TMTC1: variants seen among roughly 807,000 people sequenced by gnomAD.
TMTC1 encodes protein O-mannosyl-transferase TMTC1.
Under a neutral mutation model 104.8 loss-of-function variants are expected in TMTC1, and 73 were observed. The ratio of observed to expected loss-of-function variants is 0.70; its 90% CI spans 0.58 to 0.85. The LOEUF (loss-of-function observed/expected upper bound fraction) is 0.85. Among genes scored for constraint, TMTC1 ranks in the 40% least tolerant of loss-of-function variants. TMTC1 has a pLI of 0.00. For missense variants in TMTC1, 1,035 were observed against 1,096.1 expected (o/e 0.94, Z 0.79); for synonymous variants, 434 against 428.7 (o/e 1.01, Z -0.15).
intron 5 of TMTC1, among the ~76,000 whole-genome samples, chr12:29,699,571 C>T (rs368513869): frequency 1.3e-5 from 2 of 151,572 alleles, no homozygotes; most frequent in Admixed American, 6.6e-5. Flanking sequence ...CAGAAAACTT[C>T]CAGAATTGTA....
intron 2 of TMTC1, 110 bp downstream of exon 2, chr12:29,767,788 C>A (rs148035292): frequency 1.0e-6 from 1 of 998,968 alleles, no homozygotes; most frequent in African/African-American, 1.6e-5. Context: ...ACACACATAT[C>A]TACATATACA....
At chr12:29,743,153 T>A (rs1942869764) in intron 5 of TMTC1, among the ~76,000 whole-genome samples, 1 of 152,202 alleles carries the variant, frequency 6.6e-6, no homozygotes, top group South Asian at 2.1e-4. Context: ...TCTGCCGTGG[T>A]ACACACAAGG....
intron 17 of TMTC1, among the ~76,000 whole-genome samples, chr12:29,510,465 CTA>C (rs1489926974): frequency 6.6e-6 from 1 of 152,090 alleles, no homozygotes; most frequent in African/African-American, 2.4e-5. Context: ...TAAGTTCATT[CTA>C]TGTTTCCCAG....
chr12:29,768,680 G>A (rs1356129769), intron 1 of TMTC1, among the ~76,000 whole-genome samples: 3 of 152,166 alleles, frequency 2.0e-5, no homozygotes, highest in Non-Finnish European at 4.4e-5. Context: ...GAAATGAAAA[G>A]ATGAGCAAAA....
chr12:29,551,607 A>G lies in TMTC1; in HGVS notation c.1676+5250T>C, dbSNP rs2136242710. ...GGAGGTATGACATGGTTCTTCAAGAAGTTCTTTTTATATTCCATTTCAGTA... is the reference window on the plus strand; with the variant it reads ...GGAGGTATGACATGGTTCTTCAAGAGGTTCTTTTTATATTCCATTTCAGTA... On this transcript the variant is annotated intron_variant, in intron 10 of 17. Transcript: ENST00000539277. 1.3e-5 allele frequency among the ~76,000 whole-genome samples: 2 copies of G among 152,288 alleles called. 1 individual carries two copies. Among genetic ancestry groups the G allele is most frequent in the South Asian group, 4.1e-4 (2 of 4,826 alleles).
chr12:29,591,845 G>A lies in TMTC1; in HGVS notation c.1251-8271C>T, dbSNP rs558237737. On this transcript the variant is annotated intron_variant, in intron 7 of 17. Transcript: ENST00000539277. ...TGTTGTTTGGGAACTTGTTAGCAGC[G>A]AATTGTTGTGTAATAGTTAGTACAA... Among the ~76,000 whole-genome samples the A allele has an allele frequency of 3.3e-5, 5 of 152,240 alleles. No individual in the cohort carries two copies. The South Asian group carries it at 1.0e-3, about 32-fold the overall frequency.
At chr12:29,514,666 CTGATCAAAT>C in intron 15 of TMTC1, 62 bp from the exon 16 acceptor site, 1 of 1,537,904 alleles carries the variant, frequency 6.5e-7, no homozygotes, top group Non-Finnish European at 8.8e-7. Context: ...ACTTATTTAA[CTGATCAAAT>C]TTATACTTTT....
At chr12:29,617,835 T>C (rs954972417) in intron 6 of TMTC1, among the ~76,000 whole-genome samples, 4 of 152,186 alleles carry the variant, frequency 2.6e-5, no homozygotes, top group African/African-American at 9.6e-5. Flanking sequence ...GACCAGCACA[T>C]GTAGAACCTG....
At chr12:29,510,945 C>T (rs1943816779) in intron 17 of TMTC1, among the ~76,000 whole-genome samples, 1 of 152,100 alleles carries the variant, frequency 6.6e-6, no homozygotes, top group Non-Finnish European at 1.5e-5. Flanking sequence ...TTGCTCTCTC[C>T]TTGCCACGCT....
intron 4 of TMTC1, among the ~76,000 whole-genome samples, chr12:29,754,426 T>C (rs1415486651): frequency 6.6e-6 from 1 of 152,172 alleles, no homozygotes; most frequent in Non-Finnish European, 1.5e-5. Context: ...AAAATAGCTC[T>C]GGACTGGACC....
chr12:29,638,086 C>T (rs563118277), intron 5 of TMTC1, among the ~76,000 whole-genome samples: 5 of 152,046 alleles, frequency 3.3e-5, no homozygotes, highest in Non-Finnish European at 5.9e-5. Context: ...TAGAGAAGGG[C>T]GGGGTCCCTG....
Position 29,506,873 on chromosome 12 carries a change from T to G in TMTC1, c.2622A>C (p.Gln874His). The G allele has an allele frequency of 1.2e-6, 2 of 1,614,158 alleles. No homozygotes were observed. Among genetic ancestry groups the G allele is most frequent in the Non-Finnish European group, 1.7e-6 (2 of 1,179,978 alleles). ...AKLDRLEKRL[Q>H]EVREKDQT is the part of the protein sequence containing the mutation. The stretch of plus-strand genomic sequence containing the variant: ...ATGTTTGATCCTTTTCTCGAACTTC[T>G]TGTAATCGTTTTTCTAGGCGATCCA... The change falls in exon 18 of 18, where the codon CAA (glutamine) becomes CAC (histidine). Residue 874 changes from glutamine (Q) to histidine (H), a missense_variant. By Grantham distance (24) the Gln-to-His change is conservative. Coordinates refer to ENST00000539277, the MANE Select transcript of TMTC1 (RefSeq NM_001193451.2).
chr12:29,686,581 G>A (rs569766200), intron 5 of TMTC1, among the ~76,000 whole-genome samples: 2 of 152,312 alleles, frequency 1.3e-5, no homozygotes, highest in African/African-American at 4.8e-5. Context: ...CCCTGAGCCA[G>A]TAGGAATCCA....
In TMTC1 at chr12:29,536,110, A is replaced by G. The variant is rs750195935; in HGVS notation, c.1785+99T>C. 3.9e-5 allele frequency: 32 copies of G among 821,542 alleles called. No homozygotes were observed. The African/African-American group carries it at 4.9e-4, about 12-fold the overall frequency. The allele number at this position is 821,542 out of a possible 1,614,324, so 50.9% of individuals were successfully genotyped here. On this transcript the variant is annotated intron_variant, in intron 11 of 17. Transcript: ENST00000539277. ...CTGACATAGAGATTGGTTGTCCAAT[A>G]TGGGTTTACAAATTAAATCATTAGT...
At chr12:29,652,683 A>G (rs1939576968) in intron 5 of TMTC1, among the ~76,000 whole-genome samples, 1 of 152,204 alleles carries the variant, frequency 6.6e-6, no homozygotes, top group East Asian at 1.9e-4. Flanking sequence ...AAGATAAGAT[A>G]TGGTTTCTGC....
chr12:29,521,969 G>C (rs1301077304), intron 11 of TMTC1, among the ~76,000 whole-genome samples: 1 of 126,576 alleles, frequency 7.9e-6, no homozygotes, highest in Non-Finnish European at 1.7e-5. Flanking sequence ...CAGATACTAA[G>C]ACTTATTTAC....
chr12:29,729,733 C>G (rs939160591), intron 5 of TMTC1, among the ~76,000 whole-genome samples: 1 of 152,148 alleles, frequency 6.6e-6, no homozygotes, highest in Non-Finnish European at 1.5e-5. Context: ...CCATCTCTTT[C>G]CTCTTGTGGG....
intron 6 of TMTC1, among the ~76,000 whole-genome samples, chr12:29,623,714 G>A (rs1399172660): frequency 6.6e-6 from 1 of 152,164 alleles, no homozygotes; most frequent in African/African-American, 2.4e-5. Flanking sequence ...TCAGGAGGCT[G>A]AGACAGGAGA....
Position 29,600,006 on chromosome 12 carries a change from A to ATTT in TMTC1, c.1250+4171_1250+4172insAAA, listed in dbSNP as rs1334824731. ...TGTGTGTATATACATATATATATATATATTTTTTTTTTTTTTTCCCTCAAA... is the reference window on the plus strand; with the variant it reads ...TGTGTGTATATACATATATATATATATTTTATTTTTTTTTTTTTTTCCCTCAAA... On this transcript the variant is annotated intron_variant, in intron 7 of 17. Transcript: ENST00000539277. Among the ~76,000 whole-genome samples the ATTT allele has an allele frequency of 1.3e-4, 13 of 102,328 alleles. No homozygotes were observed. The East Asian group carries it at 2.9e-3, about 22-fold the overall frequency. The allele number at this position is 102,328 out of a possible 152,430, so 67.1% of individuals were successfully genotyped here.
Sources: gnomAD v4.1 joint callset for allele counts (sites outside exome capture counted in the v4.1 genomes callset) on GRCh38, gnomAD v4.1.1 for gene constraint, MANE v1.5 for transcripts, NCBI Gene and HGNC (gene_info 2026-07-23, HGNC 2026-07-21) for gene names.